MAPK8: variants seen among roughly 807,000 people sequenced by gnomAD.
The protein encoded by MAPK8 is JUN N-terminal kinase.
In MAPK8, 13 loss-of-function variants were observed where a neutral mutation model predicts 52.9. The observed-to-expected ratio is 0.25, with a 90% confidence interval of 0.16 to 0.39. The LOEUF is 0.39. Among genes scored for constraint, MAPK8 ranks in the 10% least tolerant of loss-of-function variants. The pLI, the probability that MAPK8 is intolerant of heterozygous loss-of-function variation, is 1.00. For synonymous variants in MAPK8, 191 were observed against 169.8 expected (o/e 1.12, Z -0.97); for missense variants, 300 against 519.2 (o/e 0.58, Z 4.10).
intron 5 of MAPK8, among the ~76,000 whole-genome samples, chr10:48,415,363 G>C (rs1291157093): frequency 6.6e-6 from 1 of 152,062 alleles, no homozygotes; most frequent in African/African-American, 2.4e-5. Context: ...GAGGATAGCA[G>C]GTGGCTGGAC....
Position 48,360,948 on chromosome 10 carries a change from A to G in MAPK8, c.-49-40664A>G, listed in dbSNP as rs189274589. 3.9e-5 allele frequency among the ~76,000 whole-genome samples: 6 copies of G among 152,266 alleles called. 1 individual carries two copies. The highest frequency in any genetic ancestry group is 1.3e-4 in the Admixed American group (2 of 15,292). On this transcript the variant is annotated intron_variant, in intron 1 of 11. Transcript: ENST00000374189. ...GTTCATTCTTTTTTTAAGTGTGTGT[A>G]TATACAGAATACACTTTGTTATGTA...
rs2045075178 is a variant in MAPK8 at position 48,438,908 on chromosome 10, T to A, written c.*3879T>A. On this transcript the variant is annotated 3_prime_UTR_variant, in exon 12 of 12. Coordinates refer to ENST00000374189, the MANE Select transcript of MAPK8 (RefSeq NM_001323329.2). ...ATTTTACAAAAGGAGTAAATCTTAG[T>A]AAAAATTTTACGAAGAAATAAATTA... The A allele has an allele frequency of 6.6e-6, 1 of 152,232 alleles. No individual in the cohort carries two copies. The highest frequency in any genetic ancestry group is 1.5e-5 in the Non-Finnish European group (1 of 68,030). 9.4% of individuals were successfully genotyped at this position (152,232 alleles called of 1,614,324 possible).
chr10:48,401,677 G>A lies in MAPK8; in HGVS notation c.17G>A (p.Arg6His), dbSNP rs759178320. 1.7e-5 allele frequency: 27 copies of A among 1,609,390 alleles called. No individual in the cohort carries two copies. Among genetic ancestry groups the A allele is most frequent in the South Asian group, 4.4e-5 (4 of 90,446 alleles). The change falls in exon 2 of 12, where the codon CGT becomes CAT. Residue 6 changes from arginine to histidine, a missense_variant. Arg to His is a conservative substitution (Grantham distance 29, BLOSUM62 0). Transcript: ENST00000374189. ...CTTGCCATCATGAGCAGAAGCAAGCGTGACAACAATTTTTATAGTGTAGAG... is the reference window on the plus strand; with the variant it reads ...CTTGCCATCATGAGCAGAAGCAAGCATGACAACAATTTTTATAGTGTAGAG... MSRSK[R>H]DNNFYSVEIG... is the part of the protein sequence containing the mutation.
intron 1 of MAPK8, among the ~76,000 whole-genome samples, chr10:48,310,730 TG>T (rs1281803531): frequency 1.4e-5 from 1 of 73,164 alleles, no homozygotes; most frequent in Non-Finnish European, 2.4e-5. Flanking sequence ...TTTTTAAAAT[TG>T]TGTGTGTGTG....
intron 1 of MAPK8, among the ~76,000 whole-genome samples, chr10:48,389,694 G>C (rs1380161469): frequency 2.0e-5 from 3 of 152,172 alleles, no homozygotes; most frequent in African/African-American, 7.2e-5. Context: ...CTGTTAGCCA[G>C]GTACTACTCA....
chr10:48,348,780 G>A (rs1846023564), intron 1 of MAPK8, among the ~76,000 whole-genome samples: 1 of 152,064 alleles, frequency 6.6e-6, no homozygotes, highest in African/African-American at 2.4e-5. Context: ...TGCTGTTTTG[G>A]TTACTGTAGC....
intron 1 of MAPK8, among the ~76,000 whole-genome samples, chr10:48,307,413 C>G (rs749094883): frequency 3.3e-5 from 5 of 152,178 alleles, no homozygotes; most frequent in Non-Finnish European, 7.4e-5. Context: ...GAGCCCAGGC[C>G]CGTGGCTCGG....
At chr10:48,354,357 A>G (rs935759949) in intron 1 of MAPK8, among the ~76,000 whole-genome samples, 3 of 152,198 alleles carry the variant, frequency 2.0e-5, no homozygotes, top group Admixed American at 2.0e-4. Flanking sequence ...TGAGGAAATA[A>G]TAAGGTCTTT....
intron 1 of MAPK8, among the ~76,000 whole-genome samples, chr10:48,346,526 C>T (rs1472106219): frequency 6.6e-6 from 1 of 152,216 alleles, no homozygotes; most frequent in African/African-American, 2.4e-5. Flanking sequence ...GAACAACACC[C>T]GCTCCTTAGC....
intron 6 of MAPK8, among the ~76,000 whole-genome samples, chr10:48,420,754 A>G (rs2043307374): frequency 6.6e-6 from 1 of 152,206 alleles, no homozygotes; most frequent in Non-Finnish European, 1.5e-5. Flanking sequence ...AAATTTTAAG[A>G]GATACATTAA....
rs550162715 is a variant in MAPK8 at position 48,346,875 on chromosome 10, A to G, written c.-50+40054A>G. ...TCTCTGCCTCAGCTGCCAGGCAGGG[A>G]AGGGCCCCCTGTCCAGTGGACATGT... On this transcript the variant is annotated intron_variant, in intron 1 of 11. Coordinates refer to ENST00000374189, the MANE Select transcript of MAPK8 (RefSeq NM_001323329.2). Among the ~76,000 whole-genome samples, 16 of 152,284 alleles carry G rather than the reference A, an allele frequency of 1.1e-4. No homozygotes were observed. In the East Asian group the frequency reaches 2.9e-3, roughly 28 times the overall value.
chr10:48,336,254 A>G (rs1383617380), intron 1 of MAPK8, among the ~76,000 whole-genome samples: 1 of 152,240 alleles, frequency 6.6e-6, no homozygotes, highest in African/African-American at 2.4e-5. Flanking sequence ...ATAAAGGAAT[A>G]TTATAAACAC....
At chr10:48,419,860 T>C (rs1239692113) in intron 5 of MAPK8, among the ~76,000 whole-genome samples, 1 of 152,206 alleles carries the variant, frequency 6.6e-6, no homozygotes, top group Non-Finnish European at 1.5e-5. Flanking sequence ...ATGTGAGCTT[T>C]GCGATGTCTT....
chr10:48,338,957 G>A (rs915460739), intron 1 of MAPK8, among the ~76,000 whole-genome samples: 8 of 151,888 alleles, frequency 5.3e-5, no homozygotes, highest in African/African-American at 1.5e-4. Context: ...TGGAAGAAAC[G>A]TCCCATGCTT....
rs1347387039 is a variant in MAPK8 at position 48,436,719 on chromosome 10, T to G, written c.*1690T>G. ...TGCAATATTTAAGATTAAAATACAT[T>G]AGCTTTTTTATATACTTTGAAGTAG... is the stretch of plus-strand genomic sequence containing the variant. On this transcript the variant is annotated 3_prime_UTR_variant, in exon 12 of 12. Transcript: ENST00000374189. The G allele has an allele frequency of 6.6e-6, 1 of 152,234 alleles. No homozygotes were observed. Among genetic ancestry groups the G allele is most frequent in the African/African-American group, 2.4e-5 (1 of 41,462 alleles). The allele number at this position is 152,234 out of a possible 1,614,324, so 9.4% of individuals were successfully genotyped here. A position where few individuals can be genotyped will look rare whatever the true frequency, so the allele number is the denominator to read the frequency against.
chr10:48,349,321 A>G (rs928299624), intron 1 of MAPK8, among the ~76,000 whole-genome samples: 25 of 151,982 alleles, frequency 1.6e-4, no homozygotes, highest in African/African-American at 5.8e-4. Flanking sequence ...CAGAATATAC[A>G]CTCTTCTCAG....
At chr10:48,309,399 T>C (rs1841748550) in intron 1 of MAPK8, among the ~76,000 whole-genome samples, 1 of 152,202 alleles carries the variant, frequency 6.6e-6, no homozygotes, top group Admixed American at 6.5e-5. Context: ...TTAGTAAATA[T>C]ATTCCTTTAG....
intron 2 of MAPK8, among the ~76,000 whole-genome samples, chr10:48,403,108 C>CT (rs1159791990): frequency 6.6e-5 from 10 of 152,172 alleles, no homozygotes; most frequent in Non-Finnish European, 1.0e-4. Flanking sequence ...TTGTTTATCT[C>CT]TGAGAAAATA....
chr10:48,377,669 G>A (rs1220135727), intron 1 of MAPK8, among the ~76,000 whole-genome samples: 11 of 152,128 alleles, frequency 7.2e-5, no homozygotes, highest in Admixed American at 7.2e-4. Flanking sequence ...AGGTGACAGA[G>A]CAACAGGATA....
Sources: gnomAD v4.1 joint callset for allele counts (sites outside exome capture counted in the v4.1 genomes callset) on GRCh38, gnomAD v4.1.1 for gene constraint, MANE v1.5 for transcripts, NCBI Gene and HGNC (gene_info 2026-07-23, HGNC 2026-07-21) for gene names.